UIMC1: variants seen among roughly 807,000 people sequenced by gnomAD.
The protein encoded by UIMC1 is ubiquitin interaction motif containing 1.
UIMC1 carries 42 observed loss-of-function variants against 84.9 expected under a neutral mutation model. The ratio of observed to expected loss-of-function variants is 0.49; its 90% confidence interval spans 0.39 to 0.64. The LOEUF (loss-of-function observed/expected upper bound fraction) is 0.64. Among genes scored for constraint, UIMC1 ranks in the 30% least tolerant of loss-of-function variants. The pLI is 0.00. For missense variants in UIMC1, 825 were observed against 847.6 expected (o/e 0.97, Z 0.33); for synonymous variants, 281 against 293.0 (o/e 0.96, Z 0.42).
At position 177,018,228 on chromosome 5, in the gene UIMC1, G is replaced by A. The variant is rs137968861; in HGVS notation, c.-9+4236C>T. Among the ~76,000 whole-genome samples the A allele has an allele frequency of 4.0e-3, 609 of 152,068 alleles. 6 individuals are homozygous for A. The highest frequency in any genetic ancestry group is 0.014 in the African/African-American group (583 of 41,492). ...TAGCTTGGTGTGGTGGTGCACACCTGTAGTCCTAGCTACTTAGGAGGCTGA... is the reference window on the plus strand; with the variant it reads ...TAGCTTGGTGTGGTGGTGCACACCTATAGTCCTAGCTACTTAGGAGGCTGA... On this transcript the variant is annotated intron_variant, in intron 1 of 5. Coordinates refer to the UIMC1 transcript ENST00000509236.
intron 6 of UIMC1, among the ~76,000 whole-genome samples, chr5:176,967,933 A>C (rs1327164571): frequency 6.6e-6 from 1 of 151,914 alleles, no homozygotes; most frequent in African/African-American, 2.4e-5. Flanking sequence ...TTATACAAAA[A>C]ATAAATTATG....
intron 10 of UIMC1, among the ~76,000 whole-genome samples, chr5:176,938,450 G>T (rs1428124244): frequency 6.6e-6 from 1 of 152,082 alleles, no homozygotes; most frequent in Admixed American, 6.6e-5. Context: ...ACACTAGCAG[G>T]TGCTCTGCAT....
intron 10 of UIMC1, among the ~76,000 whole-genome samples, chr5:176,915,698 C>T (rs1182239862): frequency 6.6e-6 from 1 of 151,414 alleles, no homozygotes; most frequent in African/African-American, 2.4e-5. Flanking sequence ...TTGTGATCCA[C>T]CCACCGCAGC....
At chr5:176,931,258 C>G (rs1057244665) in intron 10 of UIMC1, among the ~76,000 whole-genome samples, 3 of 152,022 alleles carry the variant, frequency 2.0e-5, no homozygotes, top group African/African-American at 7.3e-5. Flanking sequence ...TTATCTTTCT[C>G]GAAATGCTCT....
chr5:176,912,483 T>TG (rs1203250297), intron 10 of UIMC1, among the ~76,000 whole-genome samples: 2 of 150,850 alleles, frequency 1.3e-5, no homozygotes, highest in East Asian at 3.9e-4. Context: ...TGTTTTTTTT[T>TG]TTTTTTGAGA....
In UIMC1 at chr5:176,914,252, C is replaced by A. The variant is rs1201055786; in HGVS notation, c.1598-2863G>T. 2.0e-5 allele frequency among the ~76,000 whole-genome samples: 3 copies of A among 152,044 alleles called. No homozygotes were observed. In the East Asian group the frequency reaches 5.8e-4, roughly 29 times the overall value. On this transcript the variant is annotated intron_variant, in intron 10 of 14. Coordinates refer to ENST00000511320, the MANE Select transcript of UIMC1 (RefSeq NM_001199298.2). ...TTGTTGAGATCATCTGCAGTCTTAACTGTCATCTGATGTTATTAGCTCTCC... is the reference window on the plus strand; with the variant it reads ...TTGTTGAGATCATCTGCAGTCTTAAATGTCATCTGATGTTATTAGCTCTCC...
chr5:176,966,549 A>C (rs1213971384), intron 6 of UIMC1, among the ~76,000 whole-genome samples: 1 of 152,224 alleles, frequency 6.6e-6, no homozygotes, highest in Non-Finnish European at 1.5e-5. Flanking sequence ...AAAACAGTAT[A>C]GTCATAAAAC....
intron 10 of UIMC1, among the ~76,000 whole-genome samples, chr5:176,932,043 A>C (rs951908587): frequency 2.6e-5 from 4 of 152,188 alleles, no homozygotes; most frequent in Non-Finnish European, 5.9e-5. Flanking sequence ...GAGCTCCTAC[A>C]TTATTAATCC....
chr5:176,999,682 C>A (rs1175479705), intron 1 of UIMC1, among the ~76,000 whole-genome samples: 7 of 152,164 alleles, frequency 4.6e-5, no homozygotes, highest in African/African-American at 1.2e-4. Context: ...GCTTATTTCA[C>A]TTAACATAAT....
intron 14 of UIMC1, 200 bp from the exon 15 acceptor site, chr5:176,905,692 G>A (rs1032369769): frequency 3.0e-6 from 2 of 657,430 alleles, no homozygotes; most frequent in African/African-American, 1.8e-5. Context: ...GCTGGCCATT[G>A]AGAGAATGAG....
At chr5:176,915,816 C>CAAAAAAAAAAAAAA (rs1760912346) in intron 10 of UIMC1, among the ~76,000 whole-genome samples, 1 of 121,786 alleles carries the variant, frequency 8.2e-6, no homozygotes, top group Non-Finnish European at 1.7e-5. Flanking sequence ...AAAAAAAAAG[C>CAAAAAAAAAAAAAA]AAAAAGCACA....
intron 10 of UIMC1, among the ~76,000 whole-genome samples, chr5:176,923,443 G>T (rs931363930): frequency 7.9e-5 from 12 of 152,088 alleles, no homozygotes; most frequent in Admixed American, 2.6e-4. Flanking sequence ...CCAGCTACTT[G>T]GAAGGCTGAG....
At chr5:176,935,120 GA>G (rs1311987336) in intron 10 of UIMC1, among the ~76,000 whole-genome samples, 1 of 152,048 alleles carries the variant, frequency 6.6e-6, no homozygotes, top group Non-Finnish European at 1.5e-5. Context: ...TATTTGAGTT[GA>G]AAAAAATGCT....
upstream of UIMC1, among the ~76,000 whole-genome samples, chr5:177,011,766 G>A (rs1014133901): frequency 3.3e-5 from 5 of 151,960 alleles, no homozygotes; most frequent in East Asian, 7.7e-4. Flanking sequence ...GGGACCGGCT[G>A]GAGCCGTGGC....
chr5:176,909,421 T>C (rs1055931240), intron 11 of UIMC1, among the ~76,000 whole-genome samples: 1 of 152,186 alleles, frequency 6.6e-6, no homozygotes, highest in Non-Finnish European at 1.5e-5. Flanking sequence ...TGCAAGGCCC[T>C]TTAATCACAA....
chr5:176,950,813 T>C (rs1765789576), intron 9 of UIMC1, among the ~76,000 whole-genome samples: 2 of 151,976 alleles, frequency 1.3e-5, no homozygotes, highest in African/African-American at 2.4e-5. Flanking sequence ...GAGGTTGCAG[T>C]GAGCCGAGAT....
chr5:176,929,054 C>G (rs1762751479), intron 10 of UIMC1, among the ~76,000 whole-genome samples: 2 of 151,556 alleles, frequency 1.3e-5, no homozygotes, highest in Admixed American at 1.3e-4. Context: ...GAGTTTGAGA[C>G]CAGCCTGGCC....
upstream of UIMC1, among the ~76,000 whole-genome samples, chr5:177,008,460 C>T (rs965789270): frequency 1.3e-5 from 2 of 152,172 alleles, no homozygotes; most frequent in Non-Finnish European, 2.9e-5. Flanking sequence ...ATGTAATCCT[C>T]ACAAGTAGCA....
In UIMC1 at chr5:176,968,579, T is replaced by C. The variant is rs759338456; in HGVS notation, c.1176A>G (p.Glu392=). The change falls in exon 6 of 15, where the codon GAA becomes GAG. Residue 392 remains glutamate (E), a synonymous_variant. Coordinates refer to ENST00000511320, the MANE Select transcript of UIMC1 (RefSeq NM_001199298.2). Reference sequence around the variant, plus strand: ...CCTGACCATGACTGGTTGTTGGTTCTTCCTCCAACAAAAGTTTCTCTTTCA... The same window carrying C: ...CCTGACCATGACTGGTTGTTGGTTCCTCCTCCAACAAAAGTTTCTCTTTCA... ...KSLKEKLLLE[E]EPTTSHGQSS... is the part of the protein sequence containing the mutation. 1 of 1,611,784 alleles carries C rather than the reference T, an allele frequency of 6.2e-7. No individual in the cohort carries two copies. The highest frequency in any genetic ancestry group is 8.5e-7 in the Non-Finnish European group (1 of 1,179,118).
Sources: allele counts gnomAD v4.1 joint callset (sites outside exome capture counted in the v4.1 genomes callset), GRCh38; gene constraint gnomAD v4.1.1; transcripts MANE v1.5; gene names NCBI Gene and HGNC (gene_info 2026-07-23, HGNC 2026-07-21).